RALGAPA2: variants seen among roughly 807,000 people sequenced by gnomAD.
RALGAPA2 encodes Ral GTPase activating protein catalytic subunit alpha 2, also known as ral GTPase-activating protein subunit alpha-2.
RALGAPA2 carries 139 observed loss-of-function variants against 230.4 expected under a neutral mutation model. That is an observed-to-expected ratio of 0.60 (90% CI 0.53 to 0.69). The LOEUF (loss-of-function observed/expected upper bound fraction) is 0.69, where lower values mean the gene tolerates loss of function less well. Ranked by LOEUF, RALGAPA2 falls within the 30% of genes least tolerant of loss-of-function variation. RALGAPA2 has a pLI of 0.00. For missense variants in RALGAPA2, 2,163 were observed against 2,276.0 expected, an observed-to-expected ratio of 0.95 and a Z score of 1.01; for synonymous variants, 847 against 837.8, an observed-to-expected ratio of 1.01 and a Z score of -0.19.
At chr20:20,478,460 G>A (rs1021864421) in intron 36 of RALGAPA2, among the ~76,000 whole-genome samples, 5 of 150,224 alleles carry the variant, frequency 3.3e-5, no homozygotes, top group East Asian at 3.9e-4. Context: ...ATAAAAAGGA[G>A]AACCAAGATC....
rs139778412 is a variant in RALGAPA2, at chr20:20,414,171, T to C, written c.5496-2023A>G. ...TACTCAAAGAGCTGAGCTAAACTTA[T>C]GGCTGACAACCACCTGAGCCTTTGG... On this transcript the variant is annotated intron_variant, in intron 37 of 39. Transcript: ENST00000202677. Among the ~76,000 whole-genome samples, 141 of 152,320 alleles carry C rather than the reference T, an allele frequency of 9.3e-4. 2 individuals are homozygous for C. The East Asian group carries it at 0.023, about 25-fold the overall frequency.
intron 37 of RALGAPA2, among the ~76,000 whole-genome samples, chr20:20,419,594 C>T (rs1233439640): frequency 1.3e-5 from 2 of 152,124 alleles, no homozygotes; most frequent in Non-Finnish European, 1.5e-5. Context: ...GATACGAATG[C>T]CACCTGTAGG....
chr20:20,640,923 C>T (rs758561983), intron 5 of RALGAPA2, 45 bp from the exon 6 acceptor site: 1 of 1,489,818 alleles, frequency 6.7e-7, no homozygotes. Context: ...CATGTATTTA[C>T]AGAAATGCAT....
chr20:20,581,493 T>C (rs1308671799), intron 20 of RALGAPA2, among the ~76,000 whole-genome samples: 1 of 152,164 alleles, frequency 6.6e-6, no homozygotes, highest in South Asian at 2.1e-4. Flanking sequence ...TCAAAACATT[T>C]TGGAAGCCAG....
intron 37 of RALGAPA2, among the ~76,000 whole-genome samples, chr20:20,422,814 T>G (rs1168881383): frequency 6.6e-6 from 1 of 152,162 alleles, no homozygotes; most frequent in African/African-American, 2.4e-5. Context: ...AGACATAGTC[T>G]TGTCCTTCAC....
At chr20:20,511,377 G>T in intron 32 of RALGAPA2, 52 bp from the exon 33 acceptor site, 1 of 1,515,486 alleles carries the variant, frequency 6.6e-7, no homozygotes, top group Non-Finnish European at 8.8e-7. Flanking sequence ...GAACCATTTT[G>T]CCGCTTTTCA....
At chr20:20,486,427 C>A (rs999744028) in intron 36 of RALGAPA2, among the ~76,000 whole-genome samples, 1 of 152,074 alleles carries the variant, frequency 6.6e-6, no homozygotes, top group African/African-American at 2.4e-5. Context: ...TTATGCCACT[C>A]TCTTCTTGAT....
intron 26 of RALGAPA2, among the ~76,000 whole-genome samples, chr20:20,533,539 A>C (rs1470134108): frequency 6.6e-6 from 1 of 152,192 alleles, no homozygotes; most frequent in Non-Finnish European, 1.5e-5. Flanking sequence ...AACACACCAT[A>C]ATAGCAGGAG....
At chr20:20,602,938 G>C (rs1423425368) in intron 15 of RALGAPA2, among the ~76,000 whole-genome samples, 1 of 152,036 alleles carries the variant, frequency 6.6e-6, no homozygotes, top group Non-Finnish European at 1.5e-5. Flanking sequence ...TGGCCTGAAA[G>C]GTATCCTTAG....
chr20:20,423,174 G>A (rs1370489660), intron 37 of RALGAPA2, among the ~76,000 whole-genome samples: 2 of 152,158 alleles, frequency 1.3e-5, no homozygotes, highest in Non-Finnish European at 2.9e-5. Context: ...GTGACCAGGA[G>A]GGTGGGACAA....
intron 38 of RALGAPA2, among the ~76,000 whole-genome samples, chr20:20,408,728 ATG>A (rs200658773): frequency 6.6e-6 from 1 of 151,722 alleles, no homozygotes; most frequent in South Asian, 2.1e-4. Flanking sequence ...CCACCCCAAT[ATG>A]TGTGTGTGTG....
intron 3 of RALGAPA2, among the ~76,000 whole-genome samples, chr20:20,659,478 C>T (rs1398605785): frequency 6.6e-6 from 1 of 152,198 alleles, no homozygotes; most frequent in African/African-American, 2.4e-5. Context: ...CCACATACCT[C>T]CCTTCTTCAA....
rs1412423792 is a variant in RALGAPA2, at chr20:20,619,410, G to A, written c.1406C>T (p.Ser469Leu). The A allele has an allele frequency of 1.3e-6, 2 of 1,597,264 alleles. No homozygotes were observed. Among genetic ancestry groups the A allele is most frequent in the Admixed American group, 3.4e-5 (2 of 59,692 alleles). Residue 469 changes from serine (S) to leucine (L), a missense_variant, in exon 12 of 40, where the codon TCA (serine) becomes TTA (leucine). Transcript: ENST00000202677. ...GFSETDSKEA[S>L]SESSGHKRSS... The stretch of plus-strand genomic sequence containing the variant: ...TCGTTTATGACCAGAACTTTCAGAT[G>A]AGGCCTTCAGAAGATAATGATCCAT...
At chr20:20,629,267 G>GTAAAAGAACA in intron 10 of RALGAPA2, 96 bp downstream of exon 10, 3 of 968,128 alleles carry the variant, frequency 3.1e-6, no homozygotes, top group East Asian at 5.3e-5. Flanking sequence ...ATTTGTTGGC[G>GTAAAAGAACA]TGTTACAAGT....
intron 1 of RALGAPA2, among the ~76,000 whole-genome samples, chr20:20,709,971 T>C (rs1799123705): frequency 6.6e-6 from 1 of 152,196 alleles, no homozygotes; most frequent in Admixed American, 6.5e-5. Context: ...AAGGCCTACT[T>C]CAAGCTGAAG....
rs964838701 is a variant in RALGAPA2 at position 20,412,010 on chromosome 20, A to T, written c.5617+17T>A. 6.2e-7 allele frequency: 1 copy of T among 1,613,940 alleles called. No homozygotes were observed. The highest frequency in any genetic ancestry group is 8.5e-7 in the Non-Finnish European group (1 of 1,179,806). Reference sequence around the variant, plus strand: ...TGCGTCTTAAGCGCGTGAGAGAAGAATAATGTAGACACTCACCCGTTCCGC... The same window carrying T: ...TGCGTCTTAAGCGCGTGAGAGAAGATTAATGTAGACACTCACCCGTTCCGC... On this transcript the variant is annotated intron_variant, in intron 38 of 39. Coordinates refer to ENST00000202677, the MANE Select transcript of RALGAPA2 (RefSeq NM_020343.4).
At chr20:20,441,636 G>A (rs1398138889) in intron 37 of RALGAPA2, among the ~76,000 whole-genome samples, 1 of 152,202 alleles carries the variant, frequency 6.6e-6, no homozygotes, top group Non-Finnish European at 1.5e-5. Context: ...CCCATGGTTG[G>A]AGCACTGGCC....
At chr20:20,601,934 A>C in intron 15 of RALGAPA2, 88 bp from the exon 16 acceptor site, 1 of 1,155,266 alleles carries the variant, frequency 8.7e-7, no homozygotes, top group Middle Eastern at 2.9e-4. Flanking sequence ...GTGTACCTAC[A>C]ACTATATATA....
chr20:20,486,963 CTCT>C (rs1311649033), intron 36 of RALGAPA2, among the ~76,000 whole-genome samples: 1 of 152,180 alleles, frequency 6.6e-6, no homozygotes, highest in African/African-American at 2.4e-5. Flanking sequence ...CATTAGCCAT[CTCT>C]TCTTATATGT....
Sources: gnomAD v4.1 joint callset for allele counts (sites outside exome capture counted in the v4.1 genomes callset) on GRCh38, gnomAD v4.1.1 for gene constraint, MANE v1.5 for transcripts, NCBI Gene and HGNC (gene_info 2026-07-23, HGNC 2026-07-21) for gene names.